Variants in KIAA0825 observed in about 807,000 individuals in gnomAD.
KIAA0825 encodes the protein uncharacterized protein KIAA0825.
KIAA0825 carries 119 observed loss-of-function variants against 147.6 expected under a neutral mutation model. That is an observed-to-expected ratio of 0.81 (90% CI 0.69 to 0.94). The LOEUF is 0.94. Among genes scored for constraint, KIAA0825 ranks in the 40% least tolerant of loss-of-function variants. KIAA0825 has a pLI of 0.00. For missense variants in KIAA0825, 1,381 were observed against 1,472.7 expected (o/e 0.94, Z 1.02); for synonymous variants, 470 against 518.1 (o/e 0.91, Z 1.26).
chr5:94,484,647 T>C, intron 6 of KIAA0825, 122 bp downstream of exon 6: 1 of 601,394 alleles, frequency 1.7e-6, no homozygotes, highest in Non-Finnish European at 2.7e-6. Context: ...TTATACCAAA[T>C]GCTTATTTAA....
At chr5:94,381,329 G>T (rs1748378988) in intron 20 of KIAA0825, among the ~76,000 whole-genome samples, 1 of 152,084 alleles carries the variant, frequency 6.6e-6, no homozygotes, top group Non-Finnish European at 1.5e-5. Flanking sequence ...GTGTCTGTGG[G>T]TTCTGCATCC....
chr5:94,166,936 G>A (rs1350085876), intron 20 of KIAA0825, among the ~76,000 whole-genome samples: 2 of 152,112 alleles, frequency 1.3e-5, no homozygotes, highest in African/African-American at 4.8e-5. Context: ...AGAAGGGACA[G>A]ATATAAAACT....
chr5:94,487,768 C>CA (rs202105577), intron 5 of KIAA0825, among the ~76,000 whole-genome samples: 14 of 151,846 alleles, frequency 9.2e-5, no homozygotes, highest in East Asian at 3.9e-4. Context: ...CCCATCTCTA[C>CA]AAAAAAAATA....
chr5:94,398,393 C>G (rs2150593799), intron 16 of KIAA0825, among the ~76,000 whole-genome samples: 1 of 152,216 alleles, frequency 6.6e-6, no homozygotes, highest in South Asian at 2.1e-4. Flanking sequence ...TGATCCTTCC[C>G]TTTAAGACCT....
chr5:94,164,916 A>G (rs1388824155), intron 20 of KIAA0825, among the ~76,000 whole-genome samples: 1 of 152,182 alleles, frequency 6.6e-6, no homozygotes, highest in African/African-American at 2.4e-5. Flanking sequence ...ACTACAAGAA[A>G]ACATTGGGGA....
intron 1 of KIAA0825, chr5:94,593,458 G>A (rs1489836520): frequency 5.7e-6 from 4 of 701,266 alleles, no homozygotes; most frequent in Non-Finnish European, 1.0e-5. Flanking sequence ...GGTCAACGTT[G>A]CAAAAAGAAT....
intron 14 of KIAA0825, among the ~76,000 whole-genome samples, chr5:94,429,296 C>T (rs933253147): frequency 2.0e-5 from 3 of 152,116 alleles, no homozygotes; most frequent in Non-Finnish European, 4.4e-5. Flanking sequence ...TGTGCTGTTT[C>T]CTTCTCATCT....
Position 94,469,666 on chromosome 5 carries a change from A to C in KIAA0825, c.1872+295T>G, listed in dbSNP as rs1429943953. 3.9e-5 allele frequency among the ~76,000 whole-genome samples: 6 copies of C among 152,202 alleles called. 1 individual carries two copies. The highest frequency in any genetic ancestry group is 7.4e-5 in the Non-Finnish European group (5 of 68,024). ...AAGGTTGTAGCATTTTGGCATTGTT[A>C]TCTCTTTGAGTTTTCATTGTATCCC... On this transcript the variant is annotated intron_variant, in intron 10 of 20. Transcript: ENST00000682413.
chr5:94,220,978 T>A (rs546538519), intron 20 of KIAA0825, among the ~76,000 whole-genome samples: 3 of 152,246 alleles, frequency 2.0e-5, no homozygotes, highest in Admixed American at 6.5e-5. Context: ...TAACCACTGA[T>A]TCATTTTTGT....
intron 20 of KIAA0825, among the ~76,000 whole-genome samples, chr5:94,234,836 T>A (rs1454039253): frequency 6.6e-6 from 1 of 152,052 alleles, no homozygotes; most frequent in South Asian, 2.1e-4. Flanking sequence ...CAATTCGACA[T>A]GAGATCTGGG....
At chr5:94,247,410 C>T (rs1775686857) in intron 20 of KIAA0825, among the ~76,000 whole-genome samples, 1 of 152,062 alleles carries the variant, frequency 6.6e-6, no homozygotes, top group Non-Finnish European at 1.5e-5. Context: ...AAGGAGGATC[C>T]TGGCATGCTG....
At chr5:94,608,511 T>A (rs1300280938) in intron 1 of KIAA0825, among the ~76,000 whole-genome samples, 4 of 60,136 alleles carry the variant, frequency 6.7e-5, no homozygotes, top group East Asian at 3.2e-4. Context: ...ATATATATTT[T>A]TTTTTAGAGA....
At chr5:94,348,399 C>T (rs1338551673) in intron 20 of KIAA0825, among the ~76,000 whole-genome samples, 2 of 152,142 alleles carry the variant, frequency 1.3e-5, no homozygotes, top group Non-Finnish European at 2.9e-5. Flanking sequence ...GATACGGAAG[C>T]ACTAGGTAAC....
rs576584658 is a variant in KIAA0825 at position 94,584,709 on chromosome 5, G to A, written c.-152-2126C>T. On this transcript the variant is annotated intron_variant, in intron 1 of 20. Transcript: ENST00000682413. ...AGAGAACACCACATAGATACTCCTC[G>A]AGAAGAGCAACCCCAAGACACACAA... Among the ~76,000 whole-genome samples, 7 of 152,174 alleles carry A rather than the reference G, an allele frequency of 4.6e-5. No homozygotes were observed. In the South Asian group the frequency reaches 8.3e-4, roughly 18 times the overall value.
intron 20 of KIAA0825, among the ~76,000 whole-genome samples, chr5:94,157,179 A>C (rs1173016635): frequency 6.6e-6 from 1 of 152,142 alleles, no homozygotes; most frequent in Non-Finnish European, 1.5e-5. Flanking sequence ...AAGCATTATG[A>C]GGTAATTATA....
intron 20 of KIAA0825, among the ~76,000 whole-genome samples, chr5:94,341,726 T>C (rs1444078515): frequency 6.6e-6 from 1 of 152,156 alleles, no homozygotes; most frequent in Non-Finnish European, 1.5e-5. Flanking sequence ...TTTTTCAATC[T>C]AGTGAAATAA....
At chr5:94,229,850 G>C (rs1388241637) in intron 20 of KIAA0825, among the ~76,000 whole-genome samples, 1 of 151,976 alleles carries the variant, frequency 6.6e-6, no homozygotes, top group African/African-American at 2.4e-5. Context: ...TCTAATGCAG[G>C]TGTGTCTTCA....
chr5:94,610,961 C>T (rs1788659284), intron 1 of KIAA0825, among the ~76,000 whole-genome samples: 2 of 151,826 alleles, frequency 1.3e-5, no homozygotes, highest in South Asian at 2.1e-4. Context: ...TAGCTGTGCT[C>T]CCTGGAAGGA....
chr5:94,157,405 C>A (rs370548090), intron 20 of KIAA0825, among the ~76,000 whole-genome samples: 2 of 152,242 alleles, frequency 1.3e-5, no homozygotes, highest in South Asian at 2.1e-4. Flanking sequence ...ATCTGTATGG[C>A]TCCTAGGTGG....
Sources: allele counts gnomAD v4.1 joint callset (sites outside exome capture counted in the v4.1 genomes callset), GRCh38; gene constraint gnomAD v4.1.1; transcripts MANE v1.5; gene names NCBI Gene and HGNC (gene_info 2026-07-23, HGNC 2026-07-21).